The following INSYN2A variants were observed in gnomAD, a reference collection of about 807,000 sequenced individuals.
The protein encoded by INSYN2A is family with sequence similarity 196 member A.
Under a neutral mutation model 39.4 loss-of-function variants are expected in INSYN2A, and 17 were observed. That is an observed-to-expected ratio of 0.43 (90% CI 0.30 to 0.65). INSYN2A has a LOEUF of 0.65. INSYN2A is among the 30% of genes least tolerant of loss of function. INSYN2A has a pLI of 0.14. For synonymous variants in INSYN2A, 255 were observed against 265.7 expected (o/e 0.96, Z 0.39); for missense variants, 595 against 631.2 (o/e 0.94, Z 0.61).
At position 127,175,478 on chromosome 10, in the gene INSYN2A, G is replaced by A; in HGVS notation, c.918C>T (p.Ala306=). ...GLQAPSETAL[A]CSPPMQCLSP... Reference sequence around the variant, plus strand: ...ACAGGCACTGCATCGGGGGTGAGCAGGCCAGGGCAGTTTCCGAGGGCGCCT... The same window carrying A: ...ACAGGCACTGCATCGGGGGTGAGCAAGCCAGGGCAGTTTCCGAGGGCGCCT... Residue 306 remains alanine, a synonymous_variant, in exon 4 of 6, where the codon GCC becomes GCT. Transcript: ENST00000522781. The surrounding 1 kb of genome is among the most constrained non-coding windows in gnomAD (Gnocchi z 6.3). The A allele has an allele frequency of 6.2e-7, 1 of 1,609,510 alleles. No individual in the cohort carries two copies. Among genetic ancestry groups the A allele is most frequent in the South Asian group, 1.1e-5 (1 of 91,076 alleles).
intron 2 of INSYN2A, among the ~76,000 whole-genome samples, chr10:127,182,479 C>G (rs1052932485): frequency 2.0e-5 from 3 of 152,104 alleles, no homozygotes; most frequent in African/African-American, 7.2e-5. Context: ...ATGGTCCAGA[C>G]TTTTAATTTA....
rs2050727907 is a variant in INSYN2A at position 127,136,660 on chromosome 10, GA to G, written c.*1176del. On this transcript the variant is annotated 3_prime_UTR_variant, in exon 6 of 6. Transcript: ENST00000522781. ...TTTACATTGCAATGTGTAATCAAGA[GA>G]GAACTCTAAGTGTTACTGTTGATTT... 6.6e-6 allele frequency: 1 copy of G among 152,632 alleles called. No individual in the cohort carries two copies. Among genetic ancestry groups the G allele is most frequent in the African/African-American group, 2.4e-5 (1 of 41,468 alleles). The allele number at this position is 152,632 out of a possible 1,614,324, so 9.5% of individuals were successfully genotyped here. A position where few individuals can be genotyped will look rare whatever the true frequency, so the allele number is the denominator to read the frequency against.
intron 4 of INSYN2A, among the ~76,000 whole-genome samples, chr10:127,167,361 T>C (rs979827434): frequency 3.3e-5 from 5 of 152,174 alleles, no homozygotes; most frequent in African/African-American, 7.2e-5. Flanking sequence ...ATTCAAAGGA[T>C]TGCAACCTTG....
In INSYN2A at chr10:127,175,993, G is replaced by T; in HGVS notation, c.403C>A (p.Pro135Thr). 2.5e-6 allele frequency: 4 copies of T among 1,614,196 alleles called. No homozygotes were observed. The highest frequency in any genetic ancestry group is 3.4e-6 in the Non-Finnish European group (4 of 1,180,036). Residue 135 changes from proline to threonine, a missense_variant, in exon 4 of 6, where the codon CCC (proline) becomes ACC (threonine). Coordinates refer to ENST00000522781, the MANE Select transcript of INSYN2A (RefSeq NM_001039762.3). The surrounding 1 kb of genome is among the most constrained non-coding windows in gnomAD (Gnocchi z 6.3). ...AACCCATTGTTTTGGCTTTTAAAGG[G>T]ATCTGCAGCTGGGAGGCTTTTGAGG... Reference protein sequence around the residue: ...GNLKSLPAADPFKSQNNGFLT... With the variant: ...GNLKSLPAADTFKSQNNGFLT...
chr10:127,176,617 CA>C lies in INSYN2A; in HGVS notation c.-5-218del, dbSNP rs1384147050. 6.6e-6 allele frequency among the ~76,000 whole-genome samples: 1 copy of C among 152,136 alleles called. No individual in the cohort carries two copies. Among genetic ancestry groups the C allele is most frequent in the Non-Finnish European group, 1.5e-5 (1 of 68,040 alleles). On this transcript the variant is annotated intron_variant, in intron 3 of 5. Coordinates refer to ENST00000522781, the MANE Select transcript of INSYN2A (RefSeq NM_001039762.3). The surrounding 1 kb of genome is among the most constrained non-coding windows in gnomAD (Gnocchi z 4.4). ...AGATATTAAAGCCTGCTTGCTTTTC[CA>C]GGTGGGATACACTCGCTTTCCTTTT...
At chr10:127,170,174 G>C (rs1358634528) in intron 4 of INSYN2A, among the ~76,000 whole-genome samples, 2 of 152,106 alleles carry the variant, frequency 1.3e-5, no homozygotes, top group African/African-American at 4.8e-5. Context: ...CACCCTTCCT[G>C]CAAGGTACTA....
At chr10:127,160,560 A>G (rs1226370165) in intron 4 of INSYN2A, among the ~76,000 whole-genome samples, 1 of 152,224 alleles carries the variant, frequency 6.6e-6, no homozygotes, top group African/African-American at 2.4e-5. Context: ...CAGAGCTTCT[A>G]GCATGTCAGG....
At chr10:127,139,832 C>G (rs931742972) in intron 5 of INSYN2A, among the ~76,000 whole-genome samples, 1 of 152,126 alleles carries the variant, frequency 6.6e-6, no homozygotes, top group African/African-American at 2.4e-5. Flanking sequence ...TGCCCATGAA[C>G]GAGCCTCCTA....
At chr10:127,142,020 C>T (rs938370764) in intron 5 of INSYN2A, among the ~76,000 whole-genome samples, 4 of 152,208 alleles carry the variant, frequency 2.6e-5, no homozygotes, top group Admixed American at 2.0e-4. Flanking sequence ...GTGGGGCCAG[C>T]AGGGTCTGCT....
At chr10:127,161,908 G>T (rs1281442861) in intron 4 of INSYN2A, among the ~76,000 whole-genome samples, 1 of 152,170 alleles carries the variant, frequency 6.6e-6, no homozygotes, top group Non-Finnish European at 1.5e-5. Context: ...ATGGGGGTTG[G>T]ATTGACCCCT....
chr10:127,185,105 GA>G (rs1429563798), intron 2 of INSYN2A, among the ~76,000 whole-genome samples: 1 of 152,186 alleles, frequency 6.6e-6, no homozygotes, highest in Non-Finnish European at 1.5e-5. Context: ...GAGCAGGCCT[GA>G]AGGATGCTCA....
Position 127,176,203 on chromosome 10 carries a change from A to T in INSYN2A, c.193T>A (p.Ser65Thr), listed in dbSNP as rs1198204351. ...CGCTTCTCCCCCAGCTGGCCCGAGGACAGCTGTGTGTCCCTCTGCTCATTC... is the reference window on the plus strand; with the variant it reads ...CGCTTCTCCCCCAGCTGGCCCGAGGTCAGCTGTGTGTCCCTCTGCTCATTC... The part of the protein sequence containing the change: ...AQNEQRDTQL[S>T]SGQLGEKREA... The change falls in exon 4 of 6, where the codon TCC becomes ACC. Residue 65 changes from serine to threonine, a missense_variant. Coordinates refer to ENST00000522781, the MANE Select transcript of INSYN2A (RefSeq NM_001039762.3). This position sits in a 1 kb window ranked among gnomAD's most constrained non-coding sequence, Gnocchi z 4.4. The T allele has an allele frequency of 5.0e-6, 8 of 1,613,912 alleles. No individual in the cohort carries two copies. Among genetic ancestry groups the T allele is most frequent in the Admixed American group, 1.7e-5 (1 of 59,984 alleles).
intron 2 of INSYN2A, among the ~76,000 whole-genome samples, chr10:127,184,256 C>T (rs1170740033): frequency 1.3e-5 from 2 of 152,162 alleles, no homozygotes; most frequent in East Asian, 3.9e-4. Flanking sequence ...TAGATTCTGT[C>T]AGTATTTTTA....
chr10:127,181,956 G>A lies in INSYN2A; in HGVS notation c.-268-4817C>T, dbSNP rs1589815335. Among the ~76,000 whole-genome samples the A allele has an allele frequency of 2.0e-5, 3 of 152,256 alleles. No homozygotes were observed. The East Asian group carries it at 5.8e-4, about 29-fold the overall frequency. ...TTTAATTTTCTTTATATAGTGAAATGTTATTTTTTCCCTACATTTGTTGTT... is the reference window on the plus strand; with the variant it reads ...TTTAATTTTCTTTATATAGTGAAATATTATTTTTTCCCTACATTTGTTGTT... On this transcript the variant is annotated intron_variant, in intron 2 of 5. Coordinates refer to ENST00000522781, the MANE Select transcript of INSYN2A (RefSeq NM_001039762.3).
intron 1 of INSYN2A, among the ~76,000 whole-genome samples, chr10:127,195,573 G>A (rs1362842260): frequency 6.6e-6 from 1 of 151,476 alleles, no homozygotes; most frequent in African/African-American, 2.4e-5. Flanking sequence ...GGGCGCTTTA[G>A]TTTGGAAAAT....
chr10:127,195,549 A>C (rs955997227), intron 1 of INSYN2A, among the ~76,000 whole-genome samples: 1 of 146,840 alleles, frequency 6.8e-6, no homozygotes, highest in Non-Finnish European at 1.5e-5. Flanking sequence ...AATCAGCCGT[A>C]CTTGTACTTT....
At chr10:127,166,195 A>G (rs906300435) in intron 4 of INSYN2A, among the ~76,000 whole-genome samples, 5 of 152,104 alleles carry the variant, frequency 3.3e-5, no homozygotes, top group African/African-American at 1.2e-4. Context: ...CCCCCCAAGT[A>G]GCTGGGACTA....
chr10:127,184,611 C>T (rs1455406990), intron 2 of INSYN2A, among the ~76,000 whole-genome samples: 2 of 151,914 alleles, frequency 1.3e-5, no homozygotes, highest in African/African-American at 2.4e-5. Context: ...ATAAGATCAT[C>T]TATACTTTTT....
chr10:127,146,806 A>G (rs1035603317), intron 5 of INSYN2A, among the ~76,000 whole-genome samples: 2 of 152,216 alleles, frequency 1.3e-5, no homozygotes, highest in Non-Finnish European at 1.5e-5. Context: ...CTCCACTCCA[A>G]GTGGGCTCCG....
Sources: gnomAD v4.1 joint callset for allele counts (sites outside exome capture counted in the v4.1 genomes callset) on GRCh38, gnomAD v4.1.1 for gene constraint, Gnocchi (gnomAD v3.1) non-coding constraint, MANE v1.5 for transcripts, NCBI Gene and HGNC (gene_info 2026-07-23, HGNC 2026-07-21) for gene names.